The following HSD17B6 variants were observed in gnomAD, a reference collection of about 807,000 sequenced individuals.
HSD17B6 encodes 17-beta-hydroxysteroid dehydrogenase type 6.
Under a neutral mutation model 26.4 loss-of-function variants are expected in HSD17B6, and 16 were observed. The ratio of observed to expected loss-of-function variants is 0.61; its 90% CI spans 0.41 to 0.92. HSD17B6 has a LOEUF of 0.92. Among genes scored for constraint, HSD17B6 ranks in the 40% least tolerant of loss-of-function variants. The probability of loss-of-function intolerance (pLI) is 0.00; values close to 1 mark genes in which losing one functional copy is unlikely to be tolerated. For missense variants in HSD17B6, 357 were observed against 386.1 expected (o/e 0.92, Z 0.63); for synonymous variants, 139 against 153.0 (o/e 0.91, Z 0.68).
At chr12:56,767,884 T>C (rs1213204100) in intron 1 of HSD17B6, among the ~76,000 whole-genome samples, 1 of 149,748 alleles carries the variant, frequency 6.7e-6, no homozygotes, top group African/African-American at 2.4e-5. Context: ...TACACGTATA[T>C]ACACATATAT....
rs961622154 is a variant in HSD17B6, at chr12:56,787,395, G to A, written c.*53G>A. ...TGAAGGCAAAAATCTGAAATTGTTAGTGTCTCAGTAATCCTGATTTAGAAC... is the reference window on the plus strand; with the variant it reads ...TGAAGGCAAAAATCTGAAATTGTTAATGTCTCAGTAATCCTGATTTAGAAC... On this transcript the variant is annotated 3_prime_UTR_variant, in exon 5 of 5. Transcript: ENST00000322165. 10 of 1,197,390 alleles carry A rather than the reference G, an allele frequency of 8.4e-6. No individual in the cohort carries two copies. Among genetic ancestry groups the A allele is most frequent in the Admixed American group, 8.1e-5 (4 of 49,644 alleles). 74.2% of individuals were successfully genotyped at this position (1,197,390 alleles called of 1,614,324 possible).
chr12:56,778,691 T>C (rs1954645094), intron 2 of HSD17B6, among the ~76,000 whole-genome samples: 1 of 150,056 alleles, frequency 6.7e-6, no homozygotes, highest in Admixed American at 6.6e-5. Flanking sequence ...TTTTTTTTTT[T>C]TGAGACGGAG....
intron 1 of HSD17B6, among the ~76,000 whole-genome samples, chr12:56,764,098 G>GAA (rs1322029190): frequency 8.3e-6 from 1 of 120,442 alleles, no homozygotes. Context: ...AAAGAAGAAA[G>GAA]AAAAAAAGAA....
chr12:56,780,670 A>T (rs1203937774), intron 2 of HSD17B6, among the ~76,000 whole-genome samples: 2 of 152,008 alleles, frequency 1.3e-5, no homozygotes, highest in East Asian at 1.9e-4. Context: ...CATCCTGGCG[A>T]ACACGGTGAA....
At chr12:56,767,913 C>T (rs866276640) in intron 1 of HSD17B6, among the ~76,000 whole-genome samples, 4 of 149,426 alleles carry the variant, frequency 2.7e-5, no homozygotes, top group African/African-American at 4.9e-5. Context: ...TATACACACA[C>T]GTATACAATA....
chr12:56,782,262 T>C, intron 3 of HSD17B6, 30 bp downstream of exon 3: 5 of 1,606,814 alleles, frequency 3.1e-6, no homozygotes, highest in Non-Finnish European at 4.3e-6. Context: ...AAACAGCTAT[T>C]GAGCACTGAA....
intron 1 of HSD17B6, among the ~76,000 whole-genome samples, chr12:56,767,409 C>T (rs866409567): frequency 2.2e-4 from 33 of 150,356 alleles, no homozygotes; most frequent in African/African-American, 7.6e-4. Flanking sequence ...CCCAGCTACT[C>T]GGGAGGCTGA....
intron 3 of HSD17B6, among the ~76,000 whole-genome samples, 200 bp downstream of exon 3, chr12:56,782,432 G>C (rs1425366217): frequency 1.3e-5 from 2 of 152,044 alleles, no homozygotes; most frequent in African/African-American, 2.4e-5. Context: ...GAATTTGGCC[G>C]AACTGTGTTT....
chr12:56,784,115 G>T lies in HSD17B6; in HGVS notation c.573-738G>T, dbSNP rs1428332142. 3.9e-5 allele frequency among the ~76,000 whole-genome samples: 6 copies of T among 152,054 alleles called. No individual in the cohort carries two copies. In the East Asian group the frequency reaches 1.2e-3, roughly 30 times the overall value. On this transcript the variant is annotated intron_variant, in intron 3 of 4. Transcript: ENST00000322165. ...AGAGACGCTCCTCACTTCCTAGATG[G>T]GATGGCGGCCGGGAAGAGGTGCTCC...
rs368361992 is a variant in HSD17B6 at position 56,774,122 on chromosome 12, C to A, written c.270C>A (p.Ile90=). 7 of 1,599,886 alleles carry A rather than the reference C, an allele frequency of 4.4e-6. No individual in the cohort carries two copies. In the South Asian group the frequency reaches 6.7e-5, roughly 15 times the overall value. The change falls in exon 2 of 5, where the codon ATC becomes ATA. Residue 90 remains isoleucine (I), a synonymous_variant. Transcript: ENST00000322165. Reference sequence around the variant, plus strand: ...TGGATGTTACCAAGATGGAGAGCATCGCTGCAGCTACTCAGTGGGTGAAGG... The same window carrying A: ...TGGATGTTACCAAGATGGAGAGCATAGCTGCAGCTACTCAGTGGGTGAAGG... The part of the protein sequence containing the change: ...VTLDVTKMES[I]AAATQWVKEH...
chr12:56,786,116 T>C (rs1261553636), intron 4 of HSD17B6: 2 of 210,948 alleles, frequency 9.5e-6, no homozygotes, highest in Non-Finnish European at 1.6e-5. Flanking sequence ...TTGTACACTT[T>C]AAATGGCTGA....
chr12:56,784,095 C>T (rs1012897207), intron 3 of HSD17B6, among the ~76,000 whole-genome samples: 3 of 151,306 alleles, frequency 2.0e-5, no homozygotes, highest in Non-Finnish European at 1.5e-5. Context: ...CGGGCAGAGA[C>T]GCTCCTCACT....
chr12:56,779,006 C>A (rs535362179), intron 2 of HSD17B6, among the ~76,000 whole-genome samples: 5 of 152,154 alleles, frequency 3.3e-5, no homozygotes, highest in East Asian at 1.9e-4. Flanking sequence ...CTTATACTTT[C>A]AACTTTTCTG....
intron 1 of HSD17B6, among the ~76,000 whole-genome samples, chr12:56,768,591 A>G (rs1954396796): frequency 1.3e-5 from 2 of 152,096 alleles, no homozygotes; most frequent in African/African-American, 2.4e-5. Context: ...GGTTGAGCAG[A>G]TCTGGATTTT....
At chr12:56,779,068 A>G (rs1954655566) in intron 2 of HSD17B6, among the ~76,000 whole-genome samples, 1 of 140,470 alleles carries the variant, frequency 7.1e-6, no homozygotes, top group African/African-American at 3.0e-5. Context: ...GCTGATATAA[A>G]AACTAATCCA....
intron 2 of HSD17B6, among the ~76,000 whole-genome samples, chr12:56,780,671 A>T (rs1954694024): frequency 1.3e-5 from 2 of 151,916 alleles, no homozygotes; most frequent in African/African-American, 2.4e-5. Context: ...ATCCTGGCGA[A>T]CACGGTGAAA....
At chr12:56,775,081 T>C (rs1954562202) in intron 2 of HSD17B6, among the ~76,000 whole-genome samples, 1 of 152,242 alleles carries the variant, frequency 6.6e-6, no homozygotes, top group Admixed American at 6.5e-5. Context: ...GCTGACTGTG[T>C]GTATCAAAGC....
chr12:56,787,696 GA>G lies in HSD17B6; in HGVS notation c.*357del, dbSNP rs1285975356. Reference sequence around the variant, plus strand: ...CTATGCTTTAATAATCTATTGTGAGGAAACTACTAAGAAATATGTTGGTGTG... The same window carrying G: ...CTATGCTTTAATAATCTATTGTGAGGAACTACTAAGAAATATGTTGGTGTG... On this transcript the variant is annotated 3_prime_UTR_variant, in exon 5 of 5. Coordinates refer to ENST00000322165, the MANE Select transcript of HSD17B6 (RefSeq NM_003725.4). 1 of 201,658 alleles carries G rather than the reference GA, an allele frequency of 5.0e-6. No homozygotes were observed. Among genetic ancestry groups the G allele is most frequent in the Admixed American group, 5.4e-5 (1 of 18,428 alleles). The allele number at this position is 201,658 out of a possible 1,614,324, so 12.5% of individuals were successfully genotyped here.
chr12:56,784,379 T>G (rs1021929981), intron 3 of HSD17B6, among the ~76,000 whole-genome samples: 30 of 152,188 alleles, frequency 2.0e-4, no homozygotes, highest in Admixed American at 4.6e-4. Flanking sequence ...CACTCCAGCC[T>G]GGGCACCATT....
Sources: allele counts gnomAD v4.1 joint callset (sites outside exome capture counted in the v4.1 genomes callset), GRCh38; gene constraint gnomAD v4.1.1; transcripts MANE v1.5; gene names NCBI Gene and HGNC (gene_info 2026-07-23, HGNC 2026-07-21).